The following KCNT2 variants were observed in gnomAD, a reference collection of about 807,000 sequenced individuals.
The protein encoded by KCNT2 is potassium channel subfamily T member 2.
A neutral mutation model predicts 153.8 loss-of-function variants in KCNT2; 67 were observed. The observed-to-expected ratio is 0.44, with a 90% CI of 0.36 to 0.53. KCNT2 has a LOEUF of 0.53. KCNT2 is among the 20% of genes least tolerant of loss of function. KCNT2 has a pLI of 0.00. For synonymous variants in KCNT2, 500 were observed against 458.8 expected (o/e 1.09, Z -1.15); for missense variants, 975 against 1,354.8 (o/e 0.72, Z 4.40).
intron 16 of KCNT2, 123 bp downstream of exon 16, chr1:196,340,218 G>T (rs1022543233): frequency 3.1e-6 from 2 of 639,864 alleles, no homozygotes; most frequent in Non-Finnish European, 5.2e-6. Context: ...TACCTAGTTT[G>T]TAAAATGCAG....
chr1:196,243,907 C>T (rs551666222), intron 26 of KCNT2, among the ~76,000 whole-genome samples: 8 of 151,994 alleles, frequency 5.3e-5, no homozygotes, highest in South Asian at 2.1e-4. Context: ...CAAACCCAGG[C>T]GGTGCAGCTC....
At chr1:196,423,547 G>A (rs1008568751) in intron 11 of KCNT2, among the ~76,000 whole-genome samples, 2 of 151,566 alleles carry the variant, frequency 1.3e-5, no homozygotes, top group African/African-American at 4.8e-5. Context: ...ATACTTCCTG[G>A]AGATCATTCA....
At chr1:196,553,951 A>T (rs190767283) in intron 1 of KCNT2, among the ~76,000 whole-genome samples, 1 of 151,428 alleles carries the variant, frequency 6.6e-6, no homozygotes, top group East Asian at 1.9e-4. Flanking sequence ...AGAACAACAT[A>T]CCAAAACCCA....
intron 8 of KCNT2, among the ~76,000 whole-genome samples, chr1:196,463,664 A>G (rs1005947044): frequency 4.6e-5 from 7 of 151,966 alleles, no homozygotes; most frequent in African/African-American, 1.7e-4. Context: ...ACAATGAAAT[A>G]GAAATAATTT....
intron 8 of KCNT2, among the ~76,000 whole-genome samples, chr1:196,458,094 C>T (rs754456574): frequency 1.3e-4 from 19 of 151,672 alleles, no homozygotes; most frequent in Non-Finnish European, 1.3e-4. Context: ...CTACCTGCTA[C>T]AATGTCATAT....
chr1:196,261,449 T>C (rs1327716198), intron 25 of KCNT2, among the ~76,000 whole-genome samples: 1 of 151,962 alleles, frequency 6.6e-6, no homozygotes, highest in East Asian at 1.9e-4. Context: ...AAGATGTCTG[T>C]CTTAGAAAAC....
At chr1:196,487,391 G>T (rs1227135837) in intron 3 of KCNT2, among the ~76,000 whole-genome samples, 1 of 133,348 alleles carries the variant, frequency 7.5e-6, no homozygotes, top group Non-Finnish European at 1.7e-5. Context: ...TGTACATATA[G>T]TACCTACCAT....
intron 21 of KCNT2, among the ~76,000 whole-genome samples, chr1:196,305,892 T>C (rs1275673167): frequency 6.6e-6 from 1 of 152,126 alleles, no homozygotes; most frequent in African/African-American, 2.4e-5. Flanking sequence ...GGCTAAAGCA[T>C]TGATAGTGTT....
chr1:196,541,714 A>C (rs1656396798), intron 1 of KCNT2, among the ~76,000 whole-genome samples: 1 of 152,086 alleles, frequency 6.6e-6, no homozygotes, highest in African/African-American at 2.4e-5. Context: ...CTTGAGTGTC[A>C]CTTTTAAAAG....
intron 1 of KCNT2, among the ~76,000 whole-genome samples, chr1:196,576,277 T>G (rs1218799833): frequency 6.6e-6 from 1 of 152,038 alleles, no homozygotes; most frequent in East Asian, 1.9e-4. Flanking sequence ...AGTTTTTTTG[T>G]TCCATTACTA....
At chr1:196,405,170 T>C (rs1015044444) in intron 12 of KCNT2, among the ~76,000 whole-genome samples, 1 of 151,548 alleles carries the variant, frequency 6.6e-6, no homozygotes, top group African/African-American at 2.4e-5. Flanking sequence ...CTTCATTTTT[T>C]TTTTTCTAAA....
At chr1:196,410,491 A>C (rs933118967) in intron 12 of KCNT2, among the ~76,000 whole-genome samples, 2 of 151,630 alleles carry the variant, frequency 1.3e-5, no homozygotes, top group Non-Finnish European at 2.9e-5. Flanking sequence ...TAGGCACAGC[A>C]CACAAACATA....
At chr1:196,451,390 G>T (rs1223764769) in intron 8 of KCNT2, among the ~76,000 whole-genome samples, 2 of 141,820 alleles carry the variant, frequency 1.4e-5, no homozygotes, top group Non-Finnish European at 3.0e-5. Context: ...ACAGACGTGC[G>T]CTACCACACC....
At chr1:196,324,728 A>G (rs1390213094) in intron 19 of KCNT2, among the ~76,000 whole-genome samples, 5 of 152,066 alleles carry the variant, frequency 3.3e-5, no homozygotes, top group Non-Finnish European at 7.4e-5. Context: ...TAAAAGCCAC[A>G]TCTATATTTA....
chr1:196,382,106 T>TATTTATTTATTTATTTATTTATTC (rs1320704757), intron 13 of KCNT2, among the ~76,000 whole-genome samples: 2 of 151,390 alleles, frequency 1.3e-5, no homozygotes, highest in East Asian at 3.9e-4. Flanking sequence ...TTTATTTATT[T>TATTTATTTATTTATTTATTTATTC]ATTTATTTTT....
At chr1:196,491,782 C>A (rs1399035464) in intron 2 of KCNT2, among the ~76,000 whole-genome samples, 1 of 151,952 alleles carries the variant, frequency 6.6e-6, no homozygotes. Context: ...AATCTCTAGG[C>A]TAAGAAAGAT....
chr1:196,342,010 TGAAAAC>T, intron 15 of KCNT2, 63 bp downstream of exon 15: 1 of 1,502,744 alleles, frequency 6.7e-7, no homozygotes, highest in Admixed American at 2.0e-5. Context: ...ATTCTATTTT[TGAAAAC>T]TATTTTCACA....
intron 14 of KCNT2, among the ~76,000 whole-genome samples, chr1:196,364,992 T>C (rs1205652642): frequency 6.6e-6 from 1 of 152,102 alleles, no homozygotes; most frequent in Non-Finnish European, 1.5e-5. Flanking sequence ...TTATAAAATA[T>C]AGCATTGGAA....
intron 26 of KCNT2, among the ~76,000 whole-genome samples, chr1:196,252,968 C>T (rs1021728469): frequency 2.6e-5 from 4 of 151,018 alleles, no homozygotes; most frequent in Non-Finnish European, 4.4e-5. Context: ...TCCTCTAGCC[C>T]TTTTGAAACA....
Sources: allele counts gnomAD v4.1 joint callset (sites outside exome capture counted in the v4.1 genomes callset), GRCh38; gene constraint gnomAD v4.1.1; transcripts MANE v1.5; gene names NCBI Gene and HGNC (gene_info 2026-07-23, HGNC 2026-07-21).